Variants in KCNIP4 observed in about 807,000 individuals in gnomAD.
KCNIP4 encodes potassium voltage-gated channel interacting protein 4, also known as Kv channel-interacting protein 4.
A neutral mutation model predicts 34.0 loss-of-function variants in KCNIP4; 12 were observed. The ratio of observed to expected loss-of-function variants is 0.35; its 90% CI spans 0.23 to 0.57. The LOEUF (loss-of-function observed/expected upper bound fraction) is 0.57, where lower values mean the gene tolerates loss of function less well. Among genes scored for constraint, KCNIP4 ranks in the 20% least tolerant of loss-of-function variants. The pLI is 0.83. For missense variants in KCNIP4, 238 were observed against 311.7 expected (o/e 0.76, Z 1.78); for synonymous variants, 124 against 102.2 (o/e 1.21, Z -1.29).
chr4:21,335,555 C>T (rs1716094358), intron 1 of KCNIP4, among the ~76,000 whole-genome samples: 1 of 152,190 alleles, frequency 6.6e-6, no homozygotes, highest in African/African-American at 2.4e-5. Context: ...TATCTGTCCA[C>T]ATTTTGCTAA....
rs960855688 is a variant in KCNIP4 at position 21,006,647 on chromosome 4, C to T, written c.62-123938G>A. On this transcript the variant is annotated intron_variant, in intron 1 of 8. Coordinates refer to ENST00000382152, the MANE Select transcript of KCNIP4 (RefSeq NM_025221.6). ...GCATGGAAGAATGGAAATTTGCTGT[C>T]GGTAGAATGAGTGTTTCAGAAGTAA... Among the ~76,000 whole-genome samples, 6 of 152,204 alleles carry T rather than the reference C, an allele frequency of 3.9e-5. No homozygotes were observed. The East Asian group carries it at 5.8e-4, about 15-fold the overall frequency.
chr4:21,426,704 A>ATTT (rs1275700729), intron 1 of KCNIP4, among the ~76,000 whole-genome samples: 1 of 152,096 alleles, frequency 6.6e-6, no homozygotes, highest in East Asian at 1.9e-4. Context: ...TTATTTAACA[A>ATTT]ATATTTATTG....
intron 1 of KCNIP4, among the ~76,000 whole-genome samples, chr4:21,148,475 T>C (rs550674414): frequency 1.3e-5 from 2 of 152,276 alleles, no homozygotes; most frequent in East Asian, 3.9e-4. Flanking sequence ...TGATGATAGT[T>C]ACGTTTATCC....
At chr4:21,379,394 C>T (rs1355414612) in intron 1 of KCNIP4, among the ~76,000 whole-genome samples, 1 of 152,188 alleles carries the variant, frequency 6.6e-6, no homozygotes, top group Non-Finnish European at 1.5e-5. Flanking sequence ...ATTCTCAAAA[C>T]AGTCAGAGTG....
At chr4:21,259,627 T>C (rs988709473) in intron 1 of KCNIP4, among the ~76,000 whole-genome samples, 4 of 152,192 alleles carry the variant, frequency 2.6e-5, no homozygotes, top group Admixed American at 1.3e-4. Context: ...CAGGCCTATT[T>C]TGAGCATGAT....
At chr4:21,506,513 T>C (rs1392206845) in intron 1 of KCNIP4, among the ~76,000 whole-genome samples, 2 of 152,236 alleles carry the variant, frequency 1.3e-5, no homozygotes, top group South Asian at 4.1e-4. Context: ...TAATTACCTA[T>C]GATCAAAAGT....
intron 2 of KCNIP4, among the ~76,000 whole-genome samples, chr4:20,858,631 A>G (rs1476560231): frequency 6.6e-6 from 1 of 152,044 alleles, no homozygotes; most frequent in Non-Finnish European, 1.5e-5. Flanking sequence ...CCATAACCCA[A>G]GCAACTCTTG....
At chr4:21,384,156 C>T (rs1721798527) in intron 1 of KCNIP4, among the ~76,000 whole-genome samples, 1 of 152,124 alleles carries the variant, frequency 6.6e-6, no homozygotes, top group African/African-American at 2.4e-5. Context: ...GTCTCTAACT[C>T]ACCTGTCTAA....
At chr4:21,698,642 T>C (rs1289631019) in intron 1 of KCNIP4, among the ~76,000 whole-genome samples, 3 of 151,604 alleles carry the variant, frequency 2.0e-5, no homozygotes, top group Non-Finnish European at 2.9e-5. Flanking sequence ...TAATTTATAC[T>C]CCTAGAGTTT....
At chr4:20,922,874 C>T (rs1167953178) in intron 1 of KCNIP4, among the ~76,000 whole-genome samples, 2 of 152,020 alleles carry the variant, frequency 1.3e-5, no homozygotes, top group African/African-American at 2.4e-5. Context: ...AAGTTATGTT[C>T]TTCTGGTGTA....
chr4:21,918,751 G>T (rs545884776), intron 1 of KCNIP4, among the ~76,000 whole-genome samples: 1 of 152,100 alleles, frequency 6.6e-6, no homozygotes, highest in South Asian at 2.1e-4. Context: ...GACAGTGTCC[G>T]GTCAGATCAC....
At chr4:21,904,434 A>G (rs989499841) in intron 1 of KCNIP4, among the ~76,000 whole-genome samples, 1 of 152,224 alleles carries the variant, frequency 6.6e-6, no homozygotes, top group East Asian at 1.9e-4. Context: ...TATAATACTT[A>G]GCAGACATTA....
chr4:21,863,548 T>C (rs1725232841), intron 1 of KCNIP4, among the ~76,000 whole-genome samples: 1 of 152,102 alleles, frequency 6.6e-6, no homozygotes, highest in African/African-American at 2.4e-5. Context: ...TTCTCTTTTC[T>C]GAGGAAGGAA....
chr4:21,235,842 G>A (rs543427341), intron 1 of KCNIP4, among the ~76,000 whole-genome samples: 4 of 152,120 alleles, frequency 2.6e-5, no homozygotes, highest in Non-Finnish European at 5.9e-5. Context: ...CATTATCCTG[G>A]GGCCTCAGAG....
chr4:21,737,557 TG>T (rs1239755988), intron 1 of KCNIP4, among the ~76,000 whole-genome samples: 4 of 152,144 alleles, frequency 2.6e-5, no homozygotes, highest in Admixed American at 6.6e-5. Context: ...ACAGCTGTCA[TG>T]TGGTCAAAAC....
chr4:21,205,722 C>T (rs1285585660), intron 1 of KCNIP4, among the ~76,000 whole-genome samples: 2 of 152,210 alleles, frequency 1.3e-5, no homozygotes, highest in Non-Finnish European at 2.9e-5. Context: ...GGAACAGAGA[C>T]TCAGCAACTT....
chr4:21,478,444 G>C (rs1181017517), intron 1 of KCNIP4, among the ~76,000 whole-genome samples: 1 of 152,070 alleles, frequency 6.6e-6, no homozygotes, highest in Non-Finnish European at 1.5e-5. Context: ...CTTTTTAATG[G>C]GGTGGGGGAA....
intron 1 of KCNIP4, among the ~76,000 whole-genome samples, chr4:21,780,108 C>T (rs1300488383): frequency 6.6e-6 from 1 of 151,984 alleles, no homozygotes; most frequent in Non-Finnish European, 1.5e-5. Flanking sequence ...TCTTCTAAAA[C>T]ACCCACTAAA....
intron 1 of KCNIP4, among the ~76,000 whole-genome samples, chr4:21,907,169 C>T (rs551787951): frequency 4.6e-4 from 70 of 152,138 alleles, no homozygotes; most frequent in African/African-American, 1.6e-3. Context: ...GTGATTAGGG[C>T]ATTAAGAGGA....
Sources: allele counts gnomAD v4.1 joint callset (sites outside exome capture counted in the v4.1 genomes callset), GRCh38; gene constraint gnomAD v4.1.1; transcripts MANE v1.5; gene names NCBI Gene and HGNC (gene_info 2026-07-23, HGNC 2026-07-21).